The following CNTNAP4 variants were observed in gnomAD, a reference collection of about 807,000 sequenced individuals.
CNTNAP4 encodes the protein contactin associated protein family member 4.
CNTNAP4 carries 98 observed loss-of-function variants against 148.4 expected under a neutral mutation model. The ratio of observed to expected loss-of-function variants is 0.66; its 90% CI spans 0.56 to 0.78. The LOEUF (loss-of-function observed/expected upper bound fraction) is 0.78, where lower values mean the gene tolerates loss of function less well. Ranked by LOEUF, CNTNAP4 falls within the 30% of genes least tolerant of loss-of-function variation. CNTNAP4 has a pLI of 0.00. For synonymous variants in CNTNAP4, 730 were observed against 565.1 expected (o/e 1.29, Z -4.14); for missense variants, 1,935 against 1,565.6 (o/e 1.24, Z -3.98).
intron 1 of CNTNAP4, among the ~76,000 whole-genome samples, chr16:76,287,918 A>G (rs1250167245): frequency 6.6e-6 from 1 of 152,184 alleles, no homozygotes; most frequent in Non-Finnish European, 1.5e-5. Flanking sequence ...TCCAACATTA[A>G]GTTGAGGCTT....
Position 76,294,183 on chromosome 16 carries a change from C to T in CNTNAP4, c.85+16436C>T, listed in dbSNP as rs191074165. 3.5e-3 allele frequency among the ~76,000 whole-genome samples: 530 copies of T among 152,214 alleles called. 2 individuals are homozygous for T. Among genetic ancestry groups the T allele is most frequent in the South Asian group, 0.014 (68 of 4,818 alleles). The stretch of plus-strand genomic sequence containing the variant: ...TGGTGAGGTACGATGATAAATGTGT[C>T]GCAATCCCTGCTATTCAGGGACCCA... On this transcript the variant is annotated intron_variant, in intron 1 of 23. Transcript: ENST00000611870.
intron 17 of CNTNAP4, among the ~76,000 whole-genome samples, chr16:76,533,214 T>C (rs533035319): frequency 2.0e-3 from 306 of 152,188 alleles, no homozygotes; most frequent in Non-Finnish European, 2.7e-3. Flanking sequence ...AAGGGCATTA[T>C]GTTTAGTGAA....
At chr16:76,305,003 T>C (rs534868768) in intron 1 of CNTNAP4, among the ~76,000 whole-genome samples, 22 of 152,348 alleles carry the variant, frequency 1.4e-4, no homozygotes, top group Middle Eastern at 6.8e-3. Context: ...GTTTAATCAC[T>C]CACCTGTTGA....
chr16:76,383,112 C>CTT (rs5817988), intron 3 of CNTNAP4, among the ~76,000 whole-genome samples: 113 of 147,278 alleles, frequency 7.7e-4, no homozygotes, highest in South Asian at 4.0e-3. Flanking sequence ...ATTTATCCCA[C>CTT]TTTTTTTTTT....
intron 2 of CNTNAP4, among the ~76,000 whole-genome samples, chr16:76,317,574 T>C (rs1302664741): frequency 2.6e-5 from 4 of 152,214 alleles, no homozygotes; most frequent in African/African-American, 9.6e-5. Flanking sequence ...GCATGATGTT[T>C]TTGGTTCTCC....
At chr16:76,304,119 C>G (rs950095907) in intron 1 of CNTNAP4, among the ~76,000 whole-genome samples, 4 of 152,116 alleles carry the variant, frequency 2.6e-5, no homozygotes, top group Non-Finnish European at 5.9e-5. Context: ...TCTGCTGACT[C>G]ATTTAATTCT....
At chr16:76,491,470 G>A (rs77936576) in intron 13 of CNTNAP4, among the ~76,000 whole-genome samples, 2,152 of 152,310 alleles carry the variant, frequency 0.014, 43 homozygotes, top group African/African-American at 0.05. Context: ...AGTGATGATT[G>A]GGTGGCATAG....
intron 2 of CNTNAP4, among the ~76,000 whole-genome samples, chr16:76,339,514 C>G (rs964274840): frequency 8.6e-5 from 13 of 151,754 alleles, no homozygotes; most frequent in African/African-American, 3.1e-4. Flanking sequence ...ATTTCAGACA[C>G]TCTAGAGAAG....
At chr16:76,290,409 T>A (rs1280727634) in intron 1 of CNTNAP4, among the ~76,000 whole-genome samples, 1 of 152,164 alleles carries the variant, frequency 6.6e-6, no homozygotes, top group Non-Finnish European at 1.5e-5. Context: ...TTCCTTCCTC[T>A]TTTTTCCAAG....
chr16:76,471,447 A>G (rs1022955930), intron 10 of CNTNAP4, among the ~76,000 whole-genome samples: 57 of 152,270 alleles, frequency 3.7e-4, no homozygotes, highest in African/African-American at 1.3e-3. Flanking sequence ...GACAACGTCA[A>G]CCTTGTGACC....
chr16:76,468,554 C>T (rs1215601965), intron 10 of CNTNAP4, among the ~76,000 whole-genome samples: 5 of 152,078 alleles, frequency 3.3e-5, no homozygotes, highest in Non-Finnish European at 5.9e-5. Context: ...GTGGTGCGAT[C>T]GTAGCTCACT....
chr16:76,515,842 T>C (rs530307255), intron 15 of CNTNAP4, among the ~76,000 whole-genome samples: 1 of 152,272 alleles, frequency 6.6e-6, no homozygotes, highest in South Asian at 2.1e-4. Flanking sequence ...GGTCAGTATA[T>C]TGAGAAATTG....
chr16:76,432,577 C>T (rs1026606487), intron 4 of CNTNAP4: 20 of 152,004 alleles, frequency 1.3e-4, no homozygotes, highest in African/African-American at 3.9e-4. Flanking sequence ...ATGTTTGATG[C>T]TACAGAAACA....
chr16:76,473,862 TTTTGTTTTG>T (rs1441905740), intron 10 of CNTNAP4, among the ~76,000 whole-genome samples: 50 of 4,654 alleles, frequency 0.011, no homozygotes, highest in Admixed American at 0.086. Context: ...TTTTGTTTTG[TTTTGTTTTG>T]TTTTTTAATC....
chr16:76,321,956 A>G (rs1033922975), intron 2 of CNTNAP4, among the ~76,000 whole-genome samples: 14 of 152,070 alleles, frequency 9.2e-5, no homozygotes, highest in Non-Finnish European at 1.3e-4. Context: ...CACAACTGGT[A>G]TGAGTCTGAA....
Position 76,464,477 on chromosome 16 carries a change from C to A in CNTNAP4, c.1483+2372C>A, listed in dbSNP as rs574175222. ...TGACAGTCGTTCCCCCTGGAAAGTT[C>A]TATGTAGATAAGGCTGCTCTCTATC... On this transcript the variant is annotated intron_variant, in intron 9 of 23. Coordinates refer to ENST00000611870, the MANE Select transcript of CNTNAP4 (RefSeq NM_033401.5). Among the ~76,000 whole-genome samples the A allele has an allele frequency of 2.6e-5, 4 of 152,238 alleles. No homozygotes were observed. In the East Asian group the frequency reaches 7.7e-4, roughly 29 times the overall value.
At chr16:76,415,646 C>A (rs1332253422) in intron 3 of CNTNAP4, among the ~76,000 whole-genome samples, 1 of 131,658 alleles carries the variant, frequency 7.6e-6, no homozygotes, top group Admixed American at 7.9e-5. Flanking sequence ...ACCTGTTTAA[C>A]CCCACAAAGA....
intron 1 of CNTNAP4, among the ~76,000 whole-genome samples, chr16:76,309,186 CT>C (rs773634311): frequency 1.6e-4 from 25 of 152,120 alleles, no homozygotes; most frequent in South Asian, 4.1e-4. Context: ...ACTTTGGTGG[CT>C]CTTTTTTGGT....
At chr16:76,454,477 C>G (rs2080644993) in intron 8 of CNTNAP4, among the ~76,000 whole-genome samples, 2 of 152,122 alleles carry the variant, frequency 1.3e-5, no homozygotes, top group African/African-American at 4.8e-5. Context: ...CATCATCTGA[C>G]TTGGTATGAT....
Sources: gnomAD v4.1 joint callset for allele counts (sites outside exome capture counted in the v4.1 genomes callset) on GRCh38, gnomAD v4.1.1 for gene constraint, MANE v1.5 for transcripts, NCBI Gene and HGNC (gene_info 2026-07-23, HGNC 2026-07-21) for gene names.